The following GABRA3 variants were observed in gnomAD, a reference collection of about 807,000 sequenced individuals.
GABRA3 encodes gamma-aminobutyric acid receptor subunit alpha-3.
GABRA3 carries 10 observed loss-of-function variants against 30.1 expected under a neutral mutation model. The ratio of observed to expected loss-of-function variants is 0.33; its 90% CI spans 0.20 to 0.56. GABRA3 has a LOEUF of 0.56. Ranked by LOEUF, GABRA3 falls within the 20% of genes least tolerant of loss-of-function variation. The probability of loss-of-function intolerance (pLI) is 0.89; values close to 1 mark genes in which losing one functional copy is unlikely to be tolerated. For missense variants in GABRA3, 233 were observed against 392.0 expected, an observed-to-expected ratio of 0.59 and a Z score of 3.42; for synonymous variants, 151 against 146.8, an observed-to-expected ratio of 1.03 and a Z score of -0.21.
chrX:152,324,654 T>C (rs983436211), intron 3 of GABRA3, among the ~76,000 whole-genome samples: 1 of 111,934 alleles, frequency 8.9e-6, no homozygotes, highest in Non-Finnish European at 1.9e-5. Flanking sequence ...TAAATAATTA[T>C]ACTAAAAATA....
intron 4 of GABRA3, among the ~76,000 whole-genome samples, chrX:152,275,127 A>C: frequency 1.7e-5 from 1 of 59,736 alleles, no homozygotes; most frequent in East Asian, 4.4e-4. Context: ...TTAAACATTA[A>C]ATATATATAA....
At chrX:152,419,780 C>T (rs1292025172) in intron 1 of GABRA3, among the ~76,000 whole-genome samples, 1 of 111,258 alleles carries the variant, frequency 9.0e-6, no homozygotes, top group Non-Finnish European at 1.9e-5. Flanking sequence ...CTAACATAAC[C>T]TTAATCCCAA....
intron 3 of GABRA3, among the ~76,000 whole-genome samples, chrX:152,313,050 C>T (rs1939822445): frequency 9.0e-6 from 1 of 111,317 alleles, no homozygotes; most frequent in African/African-American, 3.3e-5. Flanking sequence ...TGTAACAAAC[C>T]TGCACATGTA....
At chrX:152,220,542 A>G (rs1190266039) in intron 6 of GABRA3, among the ~76,000 whole-genome samples, 1 of 111,755 alleles carries the variant, frequency 8.9e-6, no homozygotes, top group Non-Finnish European at 1.9e-5. Flanking sequence ...GTATACATAA[A>G]CAATGATGCC....
chrX:152,377,471 T>A (rs1929027261), intron 1 of GABRA3, among the ~76,000 whole-genome samples: 2 of 110,994 alleles, frequency 1.8e-5, no homozygotes, highest in African/African-American at 6.6e-5. Context: ...AAATTGAAAT[T>A]TGTTCTCTAA....
At chrX:152,401,708 C>A (rs1929801092) in intron 1 of GABRA3, among the ~76,000 whole-genome samples, 1 of 111,217 alleles carries the variant, frequency 9.0e-6, no homozygotes, top group South Asian at 3.8e-4. Flanking sequence ...ACTTTTTGCT[C>A]GAGTTGTTGT....
At chrX:152,351,870 T>G (rs1367888085) in intron 2 of GABRA3, among the ~76,000 whole-genome samples, 1 of 111,036 alleles carries the variant, frequency 9.0e-6, no homozygotes, top group Non-Finnish European at 1.9e-5. Flanking sequence ...ATTTTCAACA[T>G]TACTGTATCT....
chrX:152,182,565 ACTATATATGCATATATAGT>A (rs1937175661), intron 9 of GABRA3, among the ~76,000 whole-genome samples: 1 of 77,765 alleles, frequency 1.3e-5, no homozygotes, highest in East Asian at 4.2e-4. Flanking sequence ...CTATATATAT[ACTATATATGCATATATAGT>A]GTATATACAC....
Position 152,212,310 on chromosome X carries a change from AAAAAAAAAAAAAAAAAAAAAAT to A in GABRA3, c.635-4188_635-4167del, listed in dbSNP as rs1437443441. Among the ~76,000 whole-genome samples, 136 of 78,283 alleles carry A rather than the reference AAAAAAAAAAAAAAAAAAAAAAT, an allele frequency of 1.7e-3. 4 individuals carry two copies. The highest frequency in any genetic ancestry group is 4.1e-3 in the African/African-American group (83 of 20,101). The allele number at this position is 78,283 out of a possible 115,157, so 68.0% of individuals were successfully genotyped here. Reference sequence around the variant, plus strand: ...AAAAAAAAAAAAAAAAAAAAAAAAAAAAAAAAAAAAAAAAAAAAAAATTCCAAATTGCCTACCCTAAGAACTA... The same window carrying A: ...AAAAAAAAAAAAAAAAAAAAAAAAAATCCAAATTGCCTACCCTAAGAACTA... On this transcript the variant is annotated intron_variant, in intron 6 of 9. Transcript: ENST00000370314.
In GABRA3 at chrX:152,168,450, GCCC is replaced by G. The variant is rs779415136; in HGVS notation, c.1254_1256del (p.Lys418_Gly419delinsAsn). On this transcript the variant is annotated inframe_deletion, in exon 10 of 10. Coordinates refer to ENST00000370314, the MANE Select transcript of GABRA3 (RefSeq NM_000808.4). ...GGGTTGAGGAGGCACTGGGAGCAGCGCCCTTGGAGATGGTGGAAAATTCAGTGT... is the reference window on the plus strand; with the variant it reads ...GGGTTGAGGAGGCACTGGGAGCAGCGTTGGAGATGGTGGAAAATTCAGTGT... 8.3e-7 allele frequency: 1 copy of G among 1,211,746 alleles called. No homozygotes were observed. The highest frequency in any genetic ancestry group is 1.1e-6 in the Non-Finnish European group (1 of 895,274).
chrX:152,311,628 G>A (rs1162680710), intron 3 of GABRA3, among the ~76,000 whole-genome samples: 2 of 111,530 alleles, frequency 1.8e-5, no homozygotes, highest in Non-Finnish European at 3.8e-5. Flanking sequence ...CATTCCCCTT[G>A]AAAACAAGAA....
At position 152,168,104 on chromosome X, in the gene GABRA3, G is replaced by T; in HGVS notation, c.*124C>A. The T allele has an allele frequency of 1.9e-6, 1 of 519,303 alleles. No individual in the cohort carries two copies. Among genetic ancestry groups the T allele is most frequent in the Non-Finnish European group, 3.2e-6 (1 of 310,195 alleles). The allele number at this position is 519,303 out of a possible 1,213,427, so 42.8% of individuals were successfully genotyped here. A position where few individuals can be genotyped will look rare whatever the true frequency, so the allele number is the denominator to read the frequency against. On this transcript the variant is annotated 3_prime_UTR_variant, in exon 10 of 10. Coordinates refer to ENST00000370314, the MANE Select transcript of GABRA3 (RefSeq NM_000808.4). Reference sequence around the variant, plus strand: ...AGAGATTCATAAATATGAATTGAGGGTCACAGCTTGGTAGAGGGGTAAAAA... The same window carrying T: ...AGAGATTCATAAATATGAATTGAGGTTCACAGCTTGGTAGAGGGGTAAAAA...
At chrX:152,208,808 G>A (rs1280722475) in intron 6 of GABRA3, among the ~76,000 whole-genome samples, 5 of 111,536 alleles carry the variant, frequency 4.5e-5, no homozygotes, top group African/African-American at 1.6e-4. Flanking sequence ...AGCTTCCTGA[G>A]GTCCTTACAA....
intron 3 of GABRA3, among the ~76,000 whole-genome samples, chrX:152,303,479 T>TTA (rs1939667770): frequency 9.0e-6 from 1 of 111,429 alleles, no homozygotes; most frequent in Non-Finnish European, 1.9e-5. Context: ...ACCCAAAGGA[T>TTA]TATAAATCAT....
intron 7 of GABRA3, among the ~76,000 whole-genome samples, chrX:152,201,048 A>G (rs193082216): frequency 8.9e-6 from 1 of 112,456 alleles, no homozygotes; most frequent in African/African-American, 3.2e-5. Context: ...GGGACAATGG[A>G]AAGACACTTT....
At chrX:152,300,953 T>C (rs181151040) in intron 3 of GABRA3, among the ~76,000 whole-genome samples, 82 of 111,684 alleles carry the variant, frequency 7.3e-4, no homozygotes, top group African/African-American at 2.5e-3. Flanking sequence ...CAGAAAAAAA[T>C]TTTTTTGAAG....
intron 3 of GABRA3, among the ~76,000 whole-genome samples, chrX:152,321,475 T>C (rs1280723897): frequency 1.8e-5 from 2 of 111,696 alleles, no homozygotes; most frequent in Admixed American, 1.9e-4. Context: ...TGTATTGAAG[T>C]CTCATGGGCA....
intron 3 of GABRA3, among the ~76,000 whole-genome samples, chrX:152,343,383 G>A: frequency 9.2e-6 from 1 of 108,519 alleles, no homozygotes; most frequent in East Asian, 2.9e-4. Flanking sequence ...TTTAAGATGG[G>A]AGAGTAAATC....
intron 4 of GABRA3, among the ~76,000 whole-genome samples, chrX:152,270,270 G>T (rs1938906501): frequency 9.0e-6 from 1 of 111,132 alleles, no homozygotes; most frequent in Non-Finnish European, 1.9e-5. Context: ...CCCTTTACTT[G>T]ACACTTCTCT....
Sources: gnomAD v4.1 joint callset for allele counts (sites outside exome capture counted in the v4.1 genomes callset) on GRCh38, gnomAD v4.1.1 for gene constraint, MANE v1.5 for transcripts, NCBI Gene and HGNC (gene_info 2026-07-23, HGNC 2026-07-21) for gene names.